ABLIM3: variants seen among roughly 807,000 people sequenced by gnomAD.
The protein encoded by ABLIM3 is actin-binding LIM protein 3.
A neutral mutation model predicts 109.5 loss-of-function variants in ABLIM3; 61 were observed. That is an observed-to-expected ratio of 0.56 (90% CI 0.45 to 0.69). The LOEUF (loss-of-function observed/expected upper bound fraction) is 0.69. Among genes scored for constraint, ABLIM3 ranks in the 30% least tolerant of loss-of-function variants. The pLI is 0.00. For missense variants in ABLIM3, 796 were observed against 889.5 expected (o/e 0.89, Z 1.34); for synonymous variants, 300 against 324.8 (o/e 0.92, Z 0.82).
chr5:149,237,968 T>C (rs1190280946), intron 11 of ABLIM3, among the ~76,000 whole-genome samples: 1 of 152,150 alleles, frequency 6.6e-6, no homozygotes, highest in African/African-American at 2.4e-5. Context: ...TTTCTTATAC[T>C]GTAGGAATTT....
At chr5:149,244,005 C>T (rs1395163904) in intron 15 of ABLIM3, 3 of 152,320 alleles carry the variant, frequency 2.0e-5, no homozygotes, top group Admixed American at 6.5e-5. Context: ...CCACCACGCT[C>T]TGCCACTCTG....
At chr5:149,146,321 A>G (rs1325233049) in intron 2 of ABLIM3, among the ~76,000 whole-genome samples, 1 of 152,184 alleles carries the variant, frequency 6.6e-6, no homozygotes, top group East Asian at 1.9e-4. Context: ...TAGTTTAATT[A>G]GGTCCCAGTT....
At chr5:149,249,242 T>A (rs1753706961) in intron 18 of ABLIM3, among the ~76,000 whole-genome samples, 1 of 152,224 alleles carries the variant, frequency 6.6e-6, no homozygotes, top group African/African-American at 2.4e-5. Flanking sequence ...GATGTTGGTG[T>A]TGGCGGCAAT....
intron 20 of ABLIM3, among the ~76,000 whole-genome samples, chr5:149,250,962 A>G (rs1040416565): frequency 6.6e-5 from 10 of 152,048 alleles, no homozygotes; most frequent in African/African-American, 2.4e-4. Context: ...GGCCTCTAAC[A>G]TGGCCTGTAC....
chr5:149,168,941 G>A (rs894939360), intron 2 of ABLIM3, among the ~76,000 whole-genome samples: 1 of 152,128 alleles, frequency 6.6e-6, no homozygotes, highest in Non-Finnish European at 1.5e-5. Context: ...CTGGGGTGGG[G>A]CCCAGGAATC....
intron 8 of ABLIM3, chr5:149,219,757 A>C (rs1760455926): frequency 6.6e-6 from 1 of 152,206 alleles, no homozygotes; most frequent in Non-Finnish European, 1.5e-5. Context: ...CACCATGGGA[A>C]CCTGGAGTTT....
At chr5:149,148,941 G>A (rs1301517633) in intron 2 of ABLIM3, among the ~76,000 whole-genome samples, 1 of 152,236 alleles carries the variant, frequency 6.6e-6, no homozygotes, top group East Asian at 1.9e-4. Context: ...AGTGCACCAA[G>A]ATCAATGGTA....
Position 149,207,076 on chromosome 5 carries a change from G to A in ABLIM3, c.517G>A (p.Val173Ile), listed in dbSNP as rs780584768. The A allele has an allele frequency of 3.5e-5, 56 of 1,613,918 alleles. No homozygotes were observed. Among genetic ancestry groups the A allele is most frequent in the East Asian group, 4.5e-5 (2 of 44,886 alleles). ...CCTGGCTCTGGACAAGCAGTGGCAC[G>A]TCAGCTGCTTCAAGTGCCAGACCTG... ...SLLALDKQWH[V>I]SCFKCQTCSV... The change falls in exon 6 of 24, where the codon GTC becomes ATC. Residue 173 changes from valine (V) to isoleucine (I), a missense_variant. Val to Ile is a conservative substitution (Grantham distance 29). Coordinates refer to ENST00000309868, the MANE Select transcript of ABLIM3 (RefSeq NM_014945.5).
chr5:149,253,847 C>T (rs1754171663), intron 23 of ABLIM3, among the ~76,000 whole-genome samples: 1 of 152,154 alleles, frequency 6.6e-6, no homozygotes, highest in East Asian at 1.9e-4. Flanking sequence ...GTATTAGTCT[C>T]TAATGCGGCT....
intron 23 of ABLIM3, 48 bp downstream of exon 23, chr5:149,252,885 A>C (rs1754071316): frequency 1.4e-6 from 2 of 1,475,674 alleles, no homozygotes; most frequent in South Asian, 2.3e-5. Flanking sequence ...AAGAAATTTC[A>C]GAAGTTGCTT....
intron 2 of ABLIM3, among the ~76,000 whole-genome samples, chr5:149,151,235 T>C (rs1468449865): frequency 6.6e-6 from 1 of 152,204 alleles, no homozygotes; most frequent in Non-Finnish European, 1.5e-5. Flanking sequence ...CCTTTATCCA[T>C]GTGTTTCTCT....
rs1581107633 is a variant in ABLIM3 at position 149,198,091 on chromosome 5, C to T, written c.152-128C>T. The T allele has an allele frequency of 1.5e-6, 1 of 672,674 alleles. No individual in the cohort carries two copies. The allele number at this position is 672,674 out of a possible 1,614,324, so 41.7% of individuals were successfully genotyped here. On this transcript the variant is annotated intron_variant, in intron 3 of 23. Transcript: ENST00000309868. This position sits in a 1 kb window ranked among gnomAD's most constrained non-coding sequence, Gnocchi z 4.2. ...TACTGGCCCCAAAGGCCTGTGAAGT[C>T]TGACATGCTACCATTCTGTGGCCAC... is the stretch of plus-strand genomic sequence containing the variant.
At chr5:149,207,706 G>A (rs917347140) in intron 6 of ABLIM3, among the ~76,000 whole-genome samples, 63 of 152,278 alleles carry the variant, frequency 4.1e-4, no homozygotes, top group African/African-American at 1.3e-3. Context: ...CACCAGGAGA[G>A]GGGCTTTGTT....
chr5:149,187,986 G>A (rs149850982), intron 3 of ABLIM3, among the ~76,000 whole-genome samples: 16 of 152,234 alleles, frequency 1.1e-4, no homozygotes, highest in East Asian at 3.9e-4. Context: ...CTGTAAGGGC[G>A]CACCGTTCTA....
intron 8 of ABLIM3, among the ~76,000 whole-genome samples, chr5:149,226,261 G>A (rs1046401573): frequency 6.6e-6 from 1 of 151,700 alleles, no homozygotes; most frequent in South Asian, 2.1e-4. Flanking sequence ...TGAGGAGGGT[G>A]GATCATGAGG....
intron 2 of ABLIM3, among the ~76,000 whole-genome samples, chr5:149,158,102 G>A (rs1460877722): frequency 1.3e-5 from 2 of 152,160 alleles, no homozygotes. Context: ...TTGGCCCTTA[G>A]TTTAAAACAT....
At chr5:149,214,177 C>T (rs2963488) in intron 7 of ABLIM3, among the ~76,000 whole-genome samples, 19,732 of 152,182 alleles carry the variant, frequency 0.13, 2,622 homozygotes, top group African/African-American at 0.34. Context: ...CTAATGAACA[C>T]GTTAGTCAAG....
chr5:149,211,079 G>A (rs1408568028), intron 7 of ABLIM3, among the ~76,000 whole-genome samples: 4 of 152,130 alleles, frequency 2.6e-5, no homozygotes, highest in Non-Finnish European at 5.9e-5. Context: ...TTCGGACCCA[G>A]ACAGATTTCT....
At chr5:149,170,545 G>T (rs768197598) in intron 2 of ABLIM3, among the ~76,000 whole-genome samples, 1 of 152,160 alleles carries the variant, frequency 6.6e-6, no homozygotes, top group African/African-American at 2.4e-5. Flanking sequence ...CAGGAAAGAG[G>T]TTCTATTGCC....
Sources: gnomAD v4.1 joint callset for allele counts (sites outside exome capture counted in the v4.1 genomes callset) on GRCh38, gnomAD v4.1.1 for gene constraint, Gnocchi (gnomAD v3.1) non-coding constraint, MANE v1.5 for transcripts, NCBI Gene and HGNC (gene_info 2026-07-23, HGNC 2026-07-21) for gene names.